Variants in ATL2 observed in about 807,000 individuals in gnomAD.
ATL2 encodes atlastin-2.
A neutral mutation model predicts 73.9 loss-of-function variants in ATL2; 31 were observed. That is an observed-to-expected ratio of 0.42 (90% CI 0.32 to 0.57). The LOEUF (loss-of-function observed/expected upper bound fraction) is 0.57, where lower values mean the gene tolerates loss of function less well. Among genes scored for constraint, ATL2 ranks in the 20% least tolerant of loss-of-function variants. The pLI is 0.14. For missense variants in ATL2, 738 were observed against 702.6 expected (o/e 1.05, Z -0.57); for synonymous variants, 291 against 237.5 (o/e 1.23, Z -2.07).
chr2:38,302,853 G>C (rs1374741557), intron 9 of ATL2, among the ~76,000 whole-genome samples: 1 of 152,158 alleles, frequency 6.6e-6, no homozygotes, highest in Non-Finnish European at 1.5e-5. Flanking sequence ...AAGGATGACA[G>C]GTACAAACAA....
At chr2:38,311,349 A>G (rs896718497) in intron 7 of ATL2, among the ~76,000 whole-genome samples, 9 of 125,302 alleles carry the variant, frequency 7.2e-5, no homozygotes, top group African/African-American at 2.6e-4. Context: ...AACATTTTAG[A>G]TAATTACTCA....
chr2:38,295,126 T>C lies in ATL2; in HGVS notation c.*868A>G, dbSNP rs1185112978. 2 of 152,198 alleles carry C rather than the reference T, an allele frequency of 1.3e-5. No homozygotes were observed. Among genetic ancestry groups the C allele is most frequent in the Non-Finnish European group, 2.9e-5 (2 of 68,044 alleles). The allele number at this position is 152,198 out of a possible 1,614,324, so 9.4% of individuals were successfully genotyped here. The stretch of plus-strand genomic sequence containing the variant: ...ATTCCTTTCACAGGGACAGTACTTA[T>C]TTAGCCTACCACAGGACCAGATTTT... On this transcript the variant is annotated 3_prime_UTR_variant, in exon 13 of 13. Coordinates refer to ENST00000378954, the MANE Select transcript of ATL2 (RefSeq NM_001135673.4).
rs559911152 is a variant in ATL2, at chr2:38,318,500, G to A, written c.603+35C>T. The stretch of plus-strand genomic sequence containing the variant: ...AAAAAAAAAGGGGCCAAATGATTAC[G>A]TGAACTGATCGCACCACTTAATCTT... On this transcript the variant is annotated intron_variant, in intron 4 of 12. Coordinates refer to ENST00000378954, the MANE Select transcript of ATL2 (RefSeq NM_001135673.4). The A allele has an allele frequency of 1.1e-4, 165 of 1,462,754 alleles. 1 individual carries two copies. The East Asian group carries it at 2.5e-3, about 23-fold the overall frequency. The allele number at this position is 1,462,754 out of a possible 1,614,324, so 90.6% of individuals were successfully genotyped here.
intron 1 of ATL2, among the ~76,000 whole-genome samples, chr2:38,363,959 G>A (rs1460471623): frequency 1.3e-5 from 2 of 152,110 alleles, no homozygotes; most frequent in Non-Finnish European, 2.9e-5. Context: ...TCAGATTAAG[G>A]CTAACTTTAA....
At chr2:38,309,241 A>C (rs760105698) in intron 9 of ATL2, 138 bp downstream of exon 9, 4 of 843,952 alleles carry the variant, frequency 4.7e-6, no homozygotes, top group Non-Finnish European at 6.9e-6. Context: ...GATACATCTA[A>C]TTCAAGGCAG....
At chr2:38,352,596 G>C (rs1310610341) in intron 1 of ATL2, among the ~76,000 whole-genome samples, 3 of 152,168 alleles carry the variant, frequency 2.0e-5, no homozygotes, top group Admixed American at 6.5e-5. Flanking sequence ...ACAGGTGCAG[G>C]GGAACACAAC....
intron 2 of ATL2, among the ~76,000 whole-genome samples, chr2:38,335,661 G>C (rs1232955611): frequency 6.7e-6 from 1 of 149,520 alleles, no homozygotes; most frequent in Non-Finnish European, 1.5e-5. Flanking sequence ...CTGAGAGACA[G>C]TGGTTACTAT....
chr2:38,330,068 G>A (rs1350274874), intron 2 of ATL2, among the ~76,000 whole-genome samples: 2 of 152,016 alleles, frequency 1.3e-5, no homozygotes, highest in Admixed American at 6.6e-5. Flanking sequence ...AGCAGAGGTT[G>A]CAGTGAGCCG....
At chr2:38,336,456 T>G (rs1669361653) in intron 2 of ATL2, among the ~76,000 whole-genome samples, 1 of 152,204 alleles carries the variant, frequency 6.6e-6, no homozygotes, top group Non-Finnish European at 1.5e-5. Context: ...TTATTGAGCT[T>G]AGATACCAGT....
intron 1 of ATL2, among the ~76,000 whole-genome samples, chr2:38,349,277 C>T (rs1201701833): frequency 1.3e-5 from 2 of 151,966 alleles, no homozygotes; most frequent in Admixed American, 6.6e-5. Flanking sequence ...CCAACCCAAA[C>T]GTCCATCAAT....
chr2:38,321,889 T>G (rs1668342315), intron 2 of ATL2, among the ~76,000 whole-genome samples: 1 of 152,052 alleles, frequency 6.6e-6, no homozygotes. Flanking sequence ...ATTTTGGTAT[T>G]TTTTGTAGAG....
intron 2 of ATL2, among the ~76,000 whole-genome samples, chr2:38,338,361 T>C (rs1669495373): frequency 1.3e-5 from 2 of 152,110 alleles, no homozygotes; most frequent in Admixed American, 6.6e-5. Context: ...CTACGCTCAA[T>C]ACCTGGGTGA....
At chr2:38,297,948 C>G (rs1439648784) in intron 12 of ATL2, 196 bp downstream of exon 12, 2 of 576,538 alleles carry the variant, frequency 3.5e-6, no homozygotes, top group Non-Finnish European at 5.9e-6. Flanking sequence ...CAGATTTAGG[C>G]TAACCAAAGT....
At chr2:38,337,602 A>G (rs966089878) in intron 2 of ATL2, among the ~76,000 whole-genome samples, 8 of 151,238 alleles carry the variant, frequency 5.3e-5, no homozygotes, top group African/African-American at 1.9e-4. Context: ...TAATGTTCAA[A>G]AAAGTCCTTA....
At chr2:38,377,446 G>A (rs1388220881), upstream of ATL2, among the ~76,000 whole-genome samples, 1 of 47,340 alleles carries the variant, frequency 2.1e-5, no homozygotes, top group African/African-American at 8.1e-5. Context: ...CCCCCGCCCC[G>A]CCCATCGCTC....
intron 3 of ATL2, 36 bp from the exon 4 acceptor site, chr2:38,318,675 A>G (rs1354874077): frequency 2.7e-6 from 4 of 1,507,730 alleles, no homozygotes; most frequent in Non-Finnish European, 3.6e-6. Context: ...TTAGTAAAAC[A>G]GTTGCCAAAA....
intron 1 of ATL2, among the ~76,000 whole-genome samples, chr2:38,355,825 G>C (rs1029828567): frequency 6.6e-6 from 1 of 150,926 alleles, no homozygotes; most frequent in Non-Finnish European, 1.5e-5. Flanking sequence ...TCAGCCTCCT[G>C]AGTAGTTGGG....
chr2:38,296,661 G>C, intron 12 of ATL2: 1 of 1,580,442 alleles, frequency 6.3e-7, no homozygotes, highest in Non-Finnish European at 8.6e-7. Flanking sequence ...AAGACTACAA[G>C]AATTTGAGAC....
At chr2:38,326,182 T>C (rs1048789357) in intron 2 of ATL2, among the ~76,000 whole-genome samples, 26 of 152,174 alleles carry the variant, frequency 1.7e-4, no homozygotes, top group African/African-American at 5.8e-4. Context: ...TGACAGTGGA[T>C]TACAAATAAA....
Sources: gnomAD v4.1 joint callset for allele counts (sites outside exome capture counted in the v4.1 genomes callset) on GRCh38, gnomAD v4.1.1 for gene constraint, MANE v1.5 for transcripts, NCBI Gene and HGNC (gene_info 2026-07-23, HGNC 2026-07-21) for gene names.